The following SLC4A10 variants were observed in gnomAD, a reference collection of about 807,000 sequenced individuals.
The protein encoded by SLC4A10 is solute carrier family 4 member 10.
Under a neutral mutation model 137.7 loss-of-function variants are expected in SLC4A10, and 42 were observed. The ratio of observed to expected loss-of-function variants is 0.30; its 90% CI spans 0.24 to 0.39. The LOEUF is 0.39. SLC4A10 is among the 10% of genes least tolerant of loss of function. The probability of loss-of-function intolerance (pLI) is 1.00; values close to 1 mark genes in which losing one functional copy is unlikely to be tolerated. For missense variants in SLC4A10, 925 were observed against 1,355.0 expected (o/e 0.68, Z 4.98); for synonymous variants, 474 against 464.1 (o/e 1.02, Z -0.27).
intron 1 of SLC4A10, among the ~76,000 whole-genome samples, chr2:161,723,112 C>T (rs1042104352): frequency 6.6e-6 from 1 of 152,266 alleles, no homozygotes; most frequent in South Asian, 2.1e-4. Context: ...GCCTGCTGCC[C>T]GTGGTCACAA....
At chr2:161,765,291 G>A (rs372928307) in intron 1 of SLC4A10, among the ~76,000 whole-genome samples, 18 of 152,022 alleles carry the variant, frequency 1.2e-4, no homozygotes, top group Middle Eastern at 3.2e-3. Flanking sequence ...ATTACTTACC[G>A]GAATTGATTA....
chr2:161,750,794 A>G (rs996792288), intron 1 of SLC4A10, among the ~76,000 whole-genome samples: 4 of 151,640 alleles, frequency 2.6e-5, no homozygotes, highest in African/African-American at 9.7e-5. Context: ...TGTTCTATCT[A>G]TTTTTGAAGG....
chr2:161,844,863 T>G (rs1419496867), intron 4 of SLC4A10, among the ~76,000 whole-genome samples: 1 of 152,074 alleles, frequency 6.6e-6, no homozygotes, highest in African/African-American at 2.4e-5. Flanking sequence ...GATCCAGACA[T>G]ACTGAAGGAA....
intron 1 of SLC4A10, among the ~76,000 whole-genome samples, chr2:161,641,266 A>G (rs1379089844): frequency 6.6e-6 from 1 of 152,082 alleles, no homozygotes; most frequent in Non-Finnish European, 1.5e-5. Flanking sequence ...CATTTATGTC[A>G]TTTCTTATGA....
At chr2:161,725,654 G>T (rs148527602) in intron 1 of SLC4A10, among the ~76,000 whole-genome samples, 3 of 152,002 alleles carry the variant, frequency 2.0e-5, no homozygotes, top group Non-Finnish European at 4.4e-5. Context: ...CTTCTCACCC[G>T]GGTGGTGTAA....
At chr2:161,946,983 A>G (rs1367876524) in intron 16 of SLC4A10, among the ~76,000 whole-genome samples, 2 of 152,100 alleles carry the variant, frequency 1.3e-5, no homozygotes, top group African/African-American at 4.8e-5. Context: ...AGATAATTCT[A>G]CAAAGTCATT....
chr2:161,758,256 GA>G (rs1447642588), intron 1 of SLC4A10, among the ~76,000 whole-genome samples: 4 of 151,938 alleles, frequency 2.6e-5, no homozygotes, highest in Admixed American at 2.6e-4. Context: ...GAACAATCCT[GA>G]TTAGAGCTGT....
chr2:161,834,660 T>TACACACACACACAC (rs72327926), intron 3 of SLC4A10, among the ~76,000 whole-genome samples: 27 of 141,016 alleles, frequency 1.9e-4, no homozygotes, highest in African/African-American at 6.6e-4. Context: ...CTTTATCGCC[T>TACACACACACACAC]ACACACACAC....
intron 1 of SLC4A10, among the ~76,000 whole-genome samples, chr2:161,739,563 A>G (rs2047671547): frequency 6.6e-6 from 1 of 152,174 alleles, no homozygotes; most frequent in Non-Finnish European, 1.5e-5. Context: ...ATCTTCTACC[A>G]GGTAAGCAAA....
intron 15 of SLC4A10, among the ~76,000 whole-genome samples, chr2:161,934,917 C>G (rs1398449202): frequency 6.6e-6 from 1 of 151,908 alleles, no homozygotes; most frequent in Non-Finnish European, 1.5e-5. Context: ...ATTTTCTTGG[C>G]TATGCAGCTT....
chr2:161,646,187 T>C (rs966716888), intron 1 of SLC4A10, among the ~76,000 whole-genome samples: 1 of 152,024 alleles, frequency 6.6e-6, no homozygotes, highest in Admixed American at 6.6e-5. Context: ...TGATTAAGTT[T>C]CCATAGGGTC....
intron 1 of SLC4A10, among the ~76,000 whole-genome samples, chr2:161,695,326 A>G (rs989572754): frequency 8.5e-5 from 13 of 152,112 alleles, no homozygotes; most frequent in African/African-American, 2.2e-4. Flanking sequence ...TGTTTCATTC[A>G]TACCACTTAA....
intron 1 of SLC4A10, among the ~76,000 whole-genome samples, chr2:161,634,691 A>G (rs1400094102): frequency 6.6e-6 from 1 of 151,966 alleles, no homozygotes; most frequent in Non-Finnish European, 1.5e-5. Flanking sequence ...CACCTCAAAC[A>G]CTTATCTCTT....
intron 1 of SLC4A10, among the ~76,000 whole-genome samples, chr2:161,704,235 G>T (rs1188969710): frequency 2.6e-5 from 4 of 151,544 alleles, no homozygotes; most frequent in Non-Finnish European, 5.9e-5. Flanking sequence ...TGTTGTGAGA[G>T]CTAATTTGTC....
intron 1 of SLC4A10, among the ~76,000 whole-genome samples, chr2:161,750,994 G>C (rs1207858937): frequency 6.6e-6 from 1 of 151,530 alleles, no homozygotes; most frequent in Non-Finnish European, 1.5e-5. Flanking sequence ...GACAGTTTTT[G>C]ACTTAAAGCC....
chr2:161,643,560 G>T (rs2035600153), intron 1 of SLC4A10, among the ~76,000 whole-genome samples: 1 of 151,970 alleles, frequency 6.6e-6, no homozygotes, highest in East Asian at 1.9e-4. Flanking sequence ...CATAGAAATG[G>T]TATATATCTT....
At chr2:161,730,516 C>T (rs1008174139) in intron 1 of SLC4A10, among the ~76,000 whole-genome samples, 1 of 151,946 alleles carries the variant, frequency 6.6e-6, no homozygotes, top group African/African-American at 2.4e-5. Flanking sequence ...GTGATAAATC[C>T]TGAGAATGTA....
At chr2:161,900,839 T>G (rs1323364762) in intron 11 of SLC4A10, 72 bp from the exon 12 acceptor site, 2 of 1,075,324 alleles carry the variant, frequency 1.9e-6, no homozygotes, top group Non-Finnish European at 2.7e-6. Context: ...AAAAATGAAC[T>G]GTTATTATTA....
intron 23 of SLC4A10, among the ~76,000 whole-genome samples, chr2:161,966,731 G>A (rs1249915955): frequency 3.9e-5 from 2 of 50,992 alleles, no homozygotes; most frequent in Non-Finnish European, 8.4e-5. Flanking sequence ...GCGAGACTCC[G>A]TCTCAAAAAA....
Sources: gnomAD v4.1 joint callset for allele counts (sites outside exome capture counted in the v4.1 genomes callset) on GRCh38, gnomAD v4.1.1 for gene constraint, MANE v1.5 for transcripts, NCBI Gene and HGNC (gene_info 2026-07-23, HGNC 2026-07-21) for gene names.